The following CLASP2 variants were observed in gnomAD, a reference collection of about 807,000 sequenced individuals.
The protein encoded by CLASP2 is CLIP-associating protein 2.
CLASP2 carries 47 observed loss-of-function variants against 194.4 expected under a neutral mutation model. The ratio of observed to expected loss-of-function variants is 0.24; its 90% CI spans 0.19 to 0.31. CLASP2 has a LOEUF of 0.31. Ranked by LOEUF, CLASP2 falls within the 10% of genes least tolerant of loss-of-function variation. CLASP2 has a pLI of 1.00. For synonymous variants in CLASP2, 619 were observed against 633.5 expected (o/e 0.98, Z 0.34); for missense variants, 1,445 against 1,823.6 (o/e 0.79, Z 3.78).
At chr3:33,668,613 T>C (rs1020772249) in intron 6 of CLASP2, among the ~76,000 whole-genome samples, 2 of 152,208 alleles carry the variant, frequency 1.3e-5, no homozygotes, top group Admixed American at 6.5e-5. Context: ...CTGTTTAATA[T>C]GTGTTGTTAT....
intron 1 of CLASP2, among the ~76,000 whole-genome samples, chr3:33,706,039 G>A (rs1255779803): frequency 1.3e-5 from 2 of 152,142 alleles, no homozygotes; most frequent in Admixed American, 6.5e-5. Context: ...CATCACCTGA[G>A]CCCAGGAGTT....
intron 38 of CLASP2, 143 bp downstream of exon 38, chr3:33,501,509 A>G: frequency 1.7e-6 from 1 of 573,252 alleles, no homozygotes; most frequent in Non-Finnish European, 3.1e-6. Flanking sequence ...ATAAAATACA[A>G]AACAGAAATA....
chr3:33,570,684 T>G (rs1418895016), intron 26 of CLASP2, 43 bp downstream of exon 26: 12 of 1,574,766 alleles, frequency 7.6e-6, no homozygotes, highest in African/African-American at 1.4e-5. Flanking sequence ...AATATACAAA[T>G]GATACCCTAT....
chr3:33,499,688 T>C (rs1419648047), intron 38 of CLASP2, among the ~76,000 whole-genome samples: 1 of 152,064 alleles, frequency 6.6e-6, no homozygotes, highest in Non-Finnish European at 1.5e-5. Context: ...CAGACTAATA[T>C]AACATTAAAG....
At chr3:33,500,654 C>A (rs899458552) in intron 38 of CLASP2, among the ~76,000 whole-genome samples, 1 of 151,962 alleles carries the variant, frequency 6.6e-6, no homozygotes, top group Non-Finnish European at 1.5e-5. Context: ...TGGTTTATAA[C>A]CCGAGTTAAG....
At position 33,573,263 on chromosome 3, in the gene CLASP2, G is replaced by A; in HGVS notation, c.2546C>T (p.Ser849Phe). The stretch of plus-strand genomic sequence containing the variant: ...AATACTACCATTTCGAGAACTATAG[G>A]AGCGTTCTGAACAAGCACTAGATGC... ...SDASSACSER[S>F]YSSRNGSIPT... is the part of the protein sequence containing the mutation. The change falls in exon 25 of 39, where the codon TCC becomes TTC. Residue 849 changes from serine (S) to phenylalanine (F), a missense_variant. Ser to Phe is a radical substitution (Grantham distance 155). This residue lies in a region of CLASP2 where 732 missense variants were observed against 987.9 expected (regional missense o/e 0.74). Transcript: ENST00000682230. 6.2e-7 allele frequency: 1 copy of A among 1,613,880 alleles called. No homozygotes were observed. The highest frequency in any genetic ancestry group is 8.5e-7 in the Non-Finnish European group (1 of 1,179,838).
intron 24 of CLASP2, among the ~76,000 whole-genome samples, chr3:33,575,218 AGTGGCTGAAGTAACGGGAAAAATTCAG>A (rs1351830405): frequency 6.6e-6 from 1 of 152,148 alleles, no homozygotes; most frequent in East Asian, 1.9e-4. Flanking sequence ...AAAATAATCA[AGTGGCTGAAGTAACGGGAAAAATTCAG>A]CACAGCGAAA....
intron 34 of CLASP2, among the ~76,000 whole-genome samples, chr3:33,524,522 G>A (rs2053982064): frequency 6.6e-6 from 1 of 152,110 alleles, no homozygotes; most frequent in Non-Finnish European, 1.5e-5. Flanking sequence ...GTGGTGGCAT[G>A]TGCCTATAAT....
intron 6 of CLASP2, among the ~76,000 whole-genome samples, chr3:33,675,431 A>G (rs374017254): frequency 1.4e-4 from 21 of 151,246 alleles, no homozygotes; most frequent in Non-Finnish European, 2.4e-4. Context: ...TTGATGGGAC[A>G]TATCTCAAAA....
At chr3:33,583,472 T>TA (rs1261606992) in intron 22 of CLASP2, among the ~76,000 whole-genome samples, 2 of 152,216 alleles carry the variant, frequency 1.3e-5, no homozygotes, top group African/African-American at 4.8e-5. Context: ...CACAGTACAC[T>TA]AGGTGTCTTG....
chr3:33,517,400 A>G (rs2051628378), intron 34 of CLASP2, among the ~76,000 whole-genome samples: 1 of 152,270 alleles, frequency 6.6e-6, no homozygotes, highest in Non-Finnish European at 1.5e-5. Context: ...TGAGACCAGT[A>G]TAATGAACCC....
chr3:33,520,145 C>A (rs1407290847), intron 34 of CLASP2, among the ~76,000 whole-genome samples: 1 of 152,152 alleles, frequency 6.6e-6, no homozygotes, highest in African/African-American at 2.4e-5. Context: ...TCCCAAGTAG[C>A]TGGAATTACA....
rs2061688817 is a variant in CLASP2, at chr3:33,560,839, C to T, written c.2899G>A (p.Ala967Thr). ...ACATCAAGGGCTTTCTGAACTTTTG[C>T]CTGAACAGATCCAAGCAAATCAGCA... is the stretch of plus-strand genomic sequence containing the variant. ...MGADLLGSVQ[A>T]KVQKALDVTR... The change falls in exon 28 of 39, where the codon GCA (alanine) becomes ACA (threonine). Residue 967 changes from alanine (A) to threonine (T), a missense_variant. Ala to Thr is a moderately conservative substitution (Grantham distance 58). This residue lies in a region of CLASP2 where 732 missense variants were observed against 987.9 expected (regional missense o/e 0.74). Coordinates refer to ENST00000682230, the MANE Select transcript of CLASP2 (RefSeq NM_001365631.1). 1 of 1,613,786 alleles carries T rather than the reference C, an allele frequency of 6.2e-7. No individual in the cohort carries two copies. Among genetic ancestry groups the T allele is most frequent in the South Asian group, 1.1e-5 (1 of 91,060 alleles).
chr3:33,638,446 A>T (rs1025722217), intron 8 of CLASP2, among the ~76,000 whole-genome samples: 1 of 152,120 alleles, frequency 6.6e-6, no homozygotes, highest in African/African-American at 2.4e-5. Flanking sequence ...CTGGGACTAC[A>T]GGCACTCGCC....
At chr3:33,611,338 T>C (rs1415027695) in intron 13 of CLASP2, among the ~76,000 whole-genome samples, 2 of 152,230 alleles carry the variant, frequency 1.3e-5, no homozygotes, top group Non-Finnish European at 2.9e-5. Context: ...ATTTTTCCTT[T>C]AAAAACCTTT....
intron 34 of CLASP2, among the ~76,000 whole-genome samples, chr3:33,529,984 C>CAAAAAA (rs1169927619): frequency 6.2e-5 from 2 of 32,244 alleles, no homozygotes; most frequent in Non-Finnish European, 1.2e-4. Flanking sequence ...GACTCCGTCT[C>CAAAAAA]AAAAAAAAAA....
At chr3:33,510,305 T>C (rs1400464671) in intron 37 of CLASP2, among the ~76,000 whole-genome samples, 2 of 152,216 alleles carry the variant, frequency 1.3e-5, no homozygotes, top group South Asian at 4.1e-4. Context: ...ATAGTAGTGA[T>C]GGTTGCATAA....
rs189401936 is a variant in CLASP2, at chr3:33,603,769, C to T, written c.1750+385G>A. 1.3e-3 allele frequency among the ~76,000 whole-genome samples: 194 copies of T among 152,194 alleles called. 1 individual carries two copies. Among genetic ancestry groups the T allele is most frequent in the Admixed American group, 4.2e-3 (64 of 15,294 alleles). On this transcript the variant is annotated intron_variant, in intron 17 of 38. Coordinates refer to ENST00000682230, the MANE Select transcript of CLASP2 (RefSeq NM_001365631.1). ...TCCTGAGTAGCTGGGATTATGGGCA[C>T]GTGCCACCATGCCCTGCTAATTTTT...
chr3:33,585,553 G>C (rs1329554314), intron 21 of CLASP2, among the ~76,000 whole-genome samples: 1 of 152,144 alleles, frequency 6.6e-6, no homozygotes, highest in Non-Finnish European at 1.5e-5. Flanking sequence ...AAAAGGTACA[G>C]TAAAAATATA....
Sources: allele counts gnomAD v4.1 joint callset (sites outside exome capture counted in the v4.1 genomes callset), GRCh38; gene constraint gnomAD v4.1.1; regional missense constraint gnomAD v4.1.1; transcripts MANE v1.5; gene names NCBI Gene and HGNC (gene_info 2026-07-23, HGNC 2026-07-21).